Variants in GALK2 observed in about 807,000 individuals in gnomAD.
GALK2 encodes the protein galactokinase 2, also known as N-acetylgalactosamine kinase.
GALK2 carries 36 observed loss-of-function variants against 52.4 expected under a neutral mutation model. The observed-to-expected ratio is 0.69, with a 90% CI of 0.53 to 0.91. The LOEUF (loss-of-function observed/expected upper bound fraction) is 0.91. GALK2 is among the 40% of genes least tolerant of loss of function. The pLI is 0.00. For missense variants in GALK2, 579 were observed against 559.1 expected (o/e 1.04, Z -0.36); for synonymous variants, 176 against 199.1 (o/e 0.88, Z 0.98).
chr15:49,223,754 G>A (rs1393765348), intron 3 of GALK2, among the ~76,000 whole-genome samples: 1 of 152,128 alleles, frequency 6.6e-6, no homozygotes. Flanking sequence ...ATTCCCTGGT[G>A]TATGTATACC....
At chr15:49,360,151 A>G (rs1198084882) in intron 3 of GALK2, among the ~76,000 whole-genome samples, 1 of 150,878 alleles carries the variant, frequency 6.6e-6, no homozygotes, top group Non-Finnish European at 1.5e-5. Context: ...ATGACAAGTT[A>G]GTGGGTGCAG....
At chr15:49,342,106 T>G (rs761580858) in intron 3 of GALK2, among the ~76,000 whole-genome samples, 3 of 152,226 alleles carry the variant, frequency 2.0e-5, no homozygotes, top group Non-Finnish European at 4.4e-5. Flanking sequence ...GCCTCGATGA[T>G]CTGCATTATG....
chr15:49,295,220 T>A (rs181298619), intron 8 of GALK2, among the ~76,000 whole-genome samples: 3 of 151,472 alleles, frequency 2.0e-5, no homozygotes, highest in African/African-American at 4.9e-5. Context: ...AAAAGAAATA[T>A]AAGGTAAATA....
At chr15:49,299,748 TTTC>T (rs2034871003) in intron 8 of GALK2, among the ~76,000 whole-genome samples, 2 of 117,800 alleles carry the variant, frequency 1.7e-5, no homozygotes, top group African/African-American at 6.2e-5. Flanking sequence ...TCTTTCTTTC[TTTC>T]TTTCTTTCTT....
At chr15:49,349,272 C>A (rs1365213549) in intron 3 of GALK2, among the ~76,000 whole-genome samples, 3 of 152,056 alleles carry the variant, frequency 2.0e-5, no homozygotes, top group African/African-American at 4.8e-5. Flanking sequence ...AAACAAAACT[C>A]CTTTGTTCAT....
At chr15:49,274,669 C>T (rs2031345332) in intron 5 of GALK2, among the ~76,000 whole-genome samples, 1 of 152,166 alleles carries the variant, frequency 6.6e-6, no homozygotes, top group Non-Finnish European at 1.5e-5. Context: ...TGTAATAACA[C>T]TTAGCTTGAA....
At chr15:49,255,512 C>A (rs932379312) in intron 5 of GALK2, among the ~76,000 whole-genome samples, 1 of 142,460 alleles carries the variant, frequency 7.0e-6, no homozygotes, top group Non-Finnish European at 1.6e-5. Flanking sequence ...ATTTGTCAGA[C>A]GGTTGCCTTA....
intron 5 of GALK2, among the ~76,000 whole-genome samples, chr15:49,264,977 G>A (rs1001869936): frequency 1.3e-5 from 2 of 152,192 alleles, no homozygotes; most frequent in African/African-American, 4.8e-5. Flanking sequence ...GTGTCAGTCT[G>A]CCCCTACTGG....
rs34095368 is a variant in GALK2, at chr15:49,360,240, G to GAA, written c.427-7239_427-7238dup. On this transcript the variant is annotated intron_variant, in intron 3 of 3. Coordinates refer to the GALK2 transcript ENST00000558399. Reference sequence around the variant, plus strand: ...TGTACCCTAAAACTTATAGTATAAGGAAAAAAAAAAAAAGTCTGTGTATGC... The same window carrying GAA: ...TGTACCCTAAAACTTATAGTATAAGGAAAAAAAAAAAAAAAGTCTGTGTATGC... Among the ~76,000 whole-genome samples, 177 of 147,450 alleles carry GAA rather than the reference G, an allele frequency of 1.2e-3. 2 individuals are homozygous for GAA. The South Asian group carries it at 0.02, about 17-fold the overall frequency.
chr15:49,201,236 G>T lies in GALK2; in HGVS notation c.128G>T (p.Arg43Ile), dbSNP rs1363732215. 1 of 1,602,148 alleles carries T rather than the reference G, an allele frequency of 6.2e-7. No homozygotes were observed. The highest frequency in any genetic ancestry group is 8.5e-7 in the Non-Finnish European group (1 of 1,169,878). ...IPKFYVRAPG[R>I]VNIIGEHIDY... ...AAGTTTTATGTTCGAGCACCAGGAA[G>T]AGTCAACATAATAGGTATTTCAAAA... is the stretch of plus-strand genomic sequence containing the variant. Residue 43 changes from arginine (R) to isoleucine (I), a missense_variant, in exon 2 of 10, where the codon AGA (arginine) becomes ATA (isoleucine). Physicochemically the swap from Arg to Ile is moderately conservative, Grantham distance 97. Transcript: ENST00000560031.
chr15:49,312,237 C>T (rs1011487783), intron 8 of GALK2, among the ~76,000 whole-genome samples: 7 of 152,260 alleles, frequency 4.6e-5, no homozygotes, highest in Middle Eastern at 3.4e-3. Context: ...ACTTGTGGGG[C>T]GTAAACAGCT....
At chr15:49,190,229 A>G (rs1210228941) in intron 1 of GALK2, among the ~76,000 whole-genome samples, 2 of 152,178 alleles carry the variant, frequency 1.3e-5, no homozygotes, top group East Asian at 3.9e-4. Context: ...CATTGTATTC[A>G]TGGATTCATG....
intron 3 of GALK2, among the ~76,000 whole-genome samples, chr15:49,219,263 G>T (rs1160267193): frequency 1.3e-5 from 2 of 152,176 alleles, no homozygotes; most frequent in African/African-American, 4.8e-5. Flanking sequence ...TTCCCATGCT[G>T]TTCTTGTGAT....
intron 1 of GALK2, among the ~76,000 whole-genome samples, chr15:49,184,179 T>TA: frequency 6.6e-6 from 1 of 152,204 alleles, no homozygotes; most frequent in Non-Finnish European, 1.5e-5. Context: ...TTACAATTGT[T>TA]ACATTCTCTT....
At chr15:49,155,796 C>G (rs907826039) in exon 1 of GALK2, 2 of 688,114 alleles carry the variant, frequency 2.9e-6, no homozygotes, top group Non-Finnish European at 4.9e-6. Flanking sequence ...GCCTTAGCAA[C>G]TAAAGCTGGC....
At chr15:49,173,288 G>T (rs528975637) in intron 1 of GALK2, among the ~76,000 whole-genome samples, 1 of 152,192 alleles carries the variant, frequency 6.6e-6, no homozygotes, top group African/African-American at 2.4e-5. Flanking sequence ...CTAGCTTATG[G>T]ATATACATTT....
Position 49,328,766 on chromosome 15 carries a change from G to A in GALK2, c.*607G>A. On this transcript the variant is annotated 3_prime_UTR_variant, in exon 10 of 10. Transcript: ENST00000560031. ...TGTGAGATTTCTCCAGTTATCAAGA[G>A]ACTAAGGATTTTTTTTTTTTTTTGA... 1 of 1,401,152 alleles carries A rather than the reference G, an allele frequency of 7.1e-7. No individual in the cohort carries two copies. The highest frequency in any genetic ancestry group is 9.2e-7 in the Non-Finnish European group (1 of 1,082,884). 86.8% of individuals were successfully genotyped at this position (1,401,152 alleles called of 1,614,324 possible). A position where few individuals can be genotyped will look rare whatever the true frequency, so the allele number is the denominator to read the frequency against.
chr15:49,210,273 A>G (rs2088718044), intron 2 of GALK2, among the ~76,000 whole-genome samples: 1 of 151,354 alleles, frequency 6.6e-6, no homozygotes, highest in African/African-American at 2.4e-5. Flanking sequence ...TTTTCATTTC[A>G]TTAATTTTTG....
chr15:49,366,696 G>A, intron 3 of GALK2: 1 of 1,429,516 alleles, frequency 7.0e-7, no homozygotes, highest in South Asian at 1.1e-5. Context: ...GGACTGGTGG[G>A]TGGCGGGTGG....
Sources: allele counts gnomAD v4.1 joint callset (sites outside exome capture counted in the v4.1 genomes callset), GRCh38; gene constraint gnomAD v4.1.1; transcripts MANE v1.5; gene names NCBI Gene and HGNC (gene_info 2026-07-23, HGNC 2026-07-21).